TRAPPC9: variants seen among roughly 807,000 people sequenced by gnomAD.
TRAPPC9 encodes trafficking protein particle complex subunit 9.
A neutral mutation model predicts 124.0 loss-of-function variants in TRAPPC9; 83 were observed. That is an observed-to-expected ratio of 0.67 (90% CI 0.56 to 0.80). The LOEUF (loss-of-function observed/expected upper bound fraction) is 0.80, where lower values mean the gene tolerates loss of function less well. Among genes scored for constraint, TRAPPC9 ranks in the 30% least tolerant of loss-of-function variants. The pLI is 0.00. For missense variants in TRAPPC9, 1,302 were observed against 1,508.3 expected (o/e 0.86, Z 2.27); for synonymous variants, 638 against 617.5 (o/e 1.03, Z -0.49).
chr8:140,338,876 C>T (rs1280873270), intron 9 of TRAPPC9, among the ~76,000 whole-genome samples: 2 of 49,500 alleles, frequency 4.0e-5, no homozygotes, highest in Non-Finnish European at 3.3e-5. Context: ...TACAGGCCGA[C>T]GGGAAACGGC....
intron 17 of TRAPPC9, among the ~76,000 whole-genome samples, chr8:140,209,015 A>C (rs1014743328): frequency 8.5e-5 from 13 of 152,202 alleles, no homozygotes; most frequent in Non-Finnish European, 1.8e-4. Flanking sequence ...AGGGGAGACC[A>C]TCATTTAAAA....
chr8:139,808,886 G>T (rs1410894432), intron 21 of TRAPPC9, among the ~76,000 whole-genome samples: 2 of 152,276 alleles, frequency 1.3e-5, no homozygotes, highest in African/African-American at 4.8e-5. Context: ...AAACACTTGA[G>T]CTGGCTATTT....
At chr8:139,952,406 CTG>C (rs775311853) in intron 19 of TRAPPC9, among the ~76,000 whole-genome samples, 52 of 152,306 alleles carry the variant, frequency 3.4e-4, no homozygotes, top group Non-Finnish European at 6.8e-4. Context: ...GAACCTAGGT[CTG>C]TGTGACTCCA....
At chr8:139,826,557 G>A (rs75122243) in intron 21 of TRAPPC9, among the ~76,000 whole-genome samples, 22,974 of 152,138 alleles carry the variant, frequency 0.15, 1,753 homozygotes, top group Admixed American at 0.2. Flanking sequence ...CGGCAGAGGC[G>A]GTGGAGTGGG....
At chr8:140,211,026 A>T (rs1336147433) in intron 17 of TRAPPC9, among the ~76,000 whole-genome samples, 45 of 148,608 alleles carry the variant, frequency 3.0e-4, no homozygotes, top group Admixed American at 1.3e-3. Flanking sequence ...TTTTTTTTTT[A>T]AAAACTTGAA....
rs111467344 is a variant in TRAPPC9, at chr8:140,060,126, T to C, written c.2557-36047A>G. On this transcript the variant is annotated intron_variant, in intron 17 of 22. Coordinates refer to ENST00000438773, the MANE Select transcript of TRAPPC9 (RefSeq NM_001160372.4). ...TTTTGATTGGCAGTTGCGTTACCTGTGGAGCAGCTCGTTCTTTCTGATGCC... is the reference window on the plus strand; with the variant it reads ...TTTTGATTGGCAGTTGCGTTACCTGCGGAGCAGCTCGTTCTTTCTGATGCC... Among the ~76,000 whole-genome samples the C allele has an allele frequency of 7.2e-3, 1,101 of 152,324 alleles. 8 individuals carry two copies. The highest frequency in any genetic ancestry group is 0.023 in the African/African-American group (977 of 41,578).
At chr8:139,897,040 T>C (rs571212372) in intron 20 of TRAPPC9, among the ~76,000 whole-genome samples, 2 of 152,284 alleles carry the variant, frequency 1.3e-5, no homozygotes, top group African/African-American at 4.8e-5. Flanking sequence ...TGCCCACTGT[T>C]TAATGACTGA....
intron 15 of TRAPPC9, among the ~76,000 whole-genome samples, chr8:140,273,800 G>A (rs1018346599): frequency 2.6e-5 from 4 of 152,236 alleles, no homozygotes; most frequent in African/African-American, 4.8e-5. Context: ...ACCTGTGGCC[G>A]ATGCTTTGTT....
intron 9 of TRAPPC9, among the ~76,000 whole-genome samples, chr8:140,358,475 C>A (rs1031211579): frequency 6.6e-6 from 1 of 152,138 alleles, no homozygotes; most frequent in Non-Finnish European, 1.5e-5. Flanking sequence ...CCAAAGAGAT[C>A]GGATTACAGG....
intron 17 of TRAPPC9, among the ~76,000 whole-genome samples, chr8:140,069,900 G>A (rs533326022): frequency 3.3e-5 from 5 of 152,286 alleles, no homozygotes; most frequent in African/African-American, 4.8e-5. Flanking sequence ...CCAAAGGCCC[G>A]GGAGCCCAAA....
chr8:140,414,455 G>C (rs994820441), intron 5 of TRAPPC9, among the ~76,000 whole-genome samples: 2 of 152,096 alleles, frequency 1.3e-5, no homozygotes, highest in Non-Finnish European at 2.9e-5. Flanking sequence ...GATTGCTTGA[G>C]CCTGAGAGGT....
chr8:139,968,050 G>A (rs111983074), intron 19 of TRAPPC9, among the ~76,000 whole-genome samples: 5,610 of 151,890 alleles, frequency 0.037, 208 homozygotes, highest in African/African-American at 0.09. Context: ...CTGAGGCAGG[G>A]GAATTGCTTG....
intron 17 of TRAPPC9, among the ~76,000 whole-genome samples, chr8:140,194,416 A>G (rs2062584976): frequency 6.6e-6 from 1 of 152,228 alleles, no homozygotes; most frequent in South Asian, 2.1e-4. Flanking sequence ...ACCTAATAAA[A>G]TGTAAATGCT....
At chr8:140,220,670 A>G (rs894210851) in intron 17 of TRAPPC9, among the ~76,000 whole-genome samples, 3 of 152,202 alleles carry the variant, frequency 2.0e-5, no homozygotes, top group Non-Finnish European at 2.9e-5. Flanking sequence ...CAGCAGCTCC[A>G]ATGCCTCAAA....
Position 140,360,206 on chromosome 8 carries a change from T to C in TRAPPC9, c.1352-13A>G. The C allele has an allele frequency of 6.2e-7, 1 of 1,614,058 alleles. No homozygotes were observed. Among genetic ancestry groups the C allele is most frequent in the East Asian group, 2.2e-5 (1 of 44,876 alleles). On this transcript the variant is annotated splice_polypyrimidine_tract_variant and intron_variant, in intron 8 of 22. Transcript: ENST00000438773. ...CCTCTGTGCGTGCCTGCGATGGAAG[T>C]TACAAAACATCACAAAAGTGCTTGG...
At chr8:140,458,036 AAAG>A (rs1564040206), upstream of TRAPPC9, among the ~76,000 whole-genome samples, 1 of 108,542 alleles carries the variant, frequency 9.2e-6, no homozygotes, top group Admixed American at 8.9e-5. Context: ...AGGAGGGGTG[AAAG>A]AAGGAGGGAG....
chr8:139,743,821 T>C (rs373333134), intron 21 of TRAPPC9, among the ~76,000 whole-genome samples: 5 of 152,252 alleles, frequency 3.3e-5, no homozygotes, highest in East Asian at 3.8e-4. Flanking sequence ...GAACTTTCTC[T>C]ACTGCTAATG....
chr8:140,437,043 A>C (rs1210038159), intron 3 of TRAPPC9, among the ~76,000 whole-genome samples: 1 of 152,108 alleles, frequency 6.6e-6, no homozygotes, highest in Non-Finnish European at 1.5e-5. Context: ...GGCTCACTGC[A>C]GCCTTGACCT....
intron 21 of TRAPPC9, among the ~76,000 whole-genome samples, chr8:139,847,510 G>C (rs982516386): frequency 1.3e-5 from 2 of 151,924 alleles, no homozygotes; most frequent in East Asian, 1.9e-4. Flanking sequence ...GGATGGGCAC[G>C]AGCACCTGCC....
Sources: gnomAD v4.1 joint callset for allele counts (sites outside exome capture counted in the v4.1 genomes callset) on GRCh38, gnomAD v4.1.1 for gene constraint, MANE v1.5 for transcripts, NCBI Gene and HGNC (gene_info 2026-07-23, HGNC 2026-07-21) for gene names.